UBAC2: variants seen among roughly 807,000 people sequenced by gnomAD.
The protein encoded by UBAC2 is ubiquitin-associated domain-containing protein 2.
In UBAC2, 26 loss-of-function variants were observed where a neutral mutation model predicts 44.0. The ratio of observed to expected loss-of-function variants is 0.59; its 90% confidence interval spans 0.43 to 0.82. The LOEUF (loss-of-function observed/expected upper bound fraction) is 0.82. UBAC2 is among the 40% of genes least tolerant of loss of function. The probability of loss-of-function intolerance (pLI) is 0.00; values close to 1 mark genes in which losing one functional copy is unlikely to be tolerated. For missense variants in UBAC2, 329 were observed against 419.4 expected (o/e 0.78, Z 1.88); for synonymous variants, 155 against 154.3 (o/e 1.00, Z -0.04).
At chr13:99,223,478 A>G (rs1171898032) in intron 1 of UBAC2, among the ~76,000 whole-genome samples, 5 of 96,876 alleles carry the variant, frequency 5.2e-5, no homozygotes, top group African/African-American at 2.1e-4. Flanking sequence ...ATTGATTTCT[A>G]CTCTTAATTA....
rs550310299 is a variant in UBAC2, at chr13:99,238,433, C to T, written c.38C>T (p.Ala13Val). ...TSTGSSGLYK[A>V]PLSKSLLLVP... The stretch of plus-strand genomic sequence containing the variant: ...CTTTCCTTTTTCCCTCCAGACAAGG[C>T]GCCTCTGTCGAAGAGCCTTCTGCTG... Residue 13 changes from alanine to valine, a missense_variant, in exon 2 of 9, where the codon GCG (alanine) becomes GTG (valine). Transcript: ENST00000403766. 4.7e-5 allele frequency: 76 copies of T among 1,612,988 alleles called. No homozygotes were observed. The highest frequency in any genetic ancestry group is 5.9e-5 in the Non-Finnish European group (69 of 1,179,362).
intron 4 of UBAC2, among the ~76,000 whole-genome samples, chr13:99,275,772 G>A (rs1273606374): frequency 6.6e-6 from 1 of 151,964 alleles, no homozygotes; most frequent in Non-Finnish European, 1.5e-5. Flanking sequence ...TTATCTGTTT[G>A]GATTTAAGAT....
chr13:99,302,545 G>T (rs1275119552), intron 4 of UBAC2, among the ~76,000 whole-genome samples: 2 of 152,316 alleles, frequency 1.3e-5, no homozygotes, highest in South Asian at 4.2e-4. Flanking sequence ...TCAAACAGGG[G>T]CATCTAAATT....
chr13:99,318,832 A>AG (rs1453203576), intron 6 of UBAC2, among the ~76,000 whole-genome samples: 3 of 151,380 alleles, frequency 2.0e-5, no homozygotes, highest in African/African-American at 7.3e-5. Flanking sequence ...AAAAAAAAAA[A>AG]AAAAAAAAAG....
chr13:99,370,240 G>C (rs980891876), intron 8 of UBAC2, among the ~76,000 whole-genome samples: 2 of 152,174 alleles, frequency 1.3e-5, no homozygotes, highest in African/African-American at 4.8e-5. Flanking sequence ...AAATGGCTTA[G>C]GAATAATACC....
intron 2 of UBAC2, among the ~76,000 whole-genome samples, chr13:99,240,240 C>G (rs1236911488): frequency 6.6e-6 from 1 of 152,148 alleles, no homozygotes. Context: ...TAGCCAGTTA[C>G]CAGTCTTTAG....
intron 7 of UBAC2, among the ~76,000 whole-genome samples, chr13:99,345,903 C>T (rs1280762201): frequency 9.9e-5 from 15 of 151,964 alleles, no homozygotes; most frequent in South Asian, 2.1e-4. Flanking sequence ...CCACCACATC[C>T]GGCTAATTTT....
At chr13:99,341,659 GAAGTAGT>G (rs1057490547) in intron 7 of UBAC2, among the ~76,000 whole-genome samples, 1 of 152,184 alleles carries the variant, frequency 6.6e-6, no homozygotes, top group African/African-American at 2.4e-5. Context: ...CGAAAGCAAA[GAAGTAGT>G]AAGTTCTGTA....
chr13:99,277,343 T>C (rs751200595), intron 4 of UBAC2, among the ~76,000 whole-genome samples: 14 of 151,912 alleles, frequency 9.2e-5, no homozygotes, highest in Non-Finnish European at 1.8e-4. Context: ...CTAACCAACA[T>C]GGAGAAACCC....
chr13:99,206,507 G>A (rs550499093), intron 1 of UBAC2, among the ~76,000 whole-genome samples: 8 of 152,314 alleles, frequency 5.3e-5, no homozygotes, highest in African/African-American at 1.9e-4. Context: ...ACCAGCCTCT[G>A]ATCCCTCCTT....
intron 4 of UBAC2, among the ~76,000 whole-genome samples, chr13:99,284,916 T>C (rs993667018): frequency 3.9e-5 from 6 of 152,184 alleles, no homozygotes; most frequent in Non-Finnish European, 7.3e-5. Context: ...TTTATAACTT[T>C]TTCATGAAAA....
At chr13:99,251,799 T>G (rs2043461421) in intron 4 of UBAC2, among the ~76,000 whole-genome samples, 1 of 152,144 alleles carries the variant, frequency 6.6e-6, no homozygotes, top group African/African-American at 2.4e-5. Context: ...CAAGCTCCAT[T>G]TCCTGAGCTC....
intron 2 of UBAC2, among the ~76,000 whole-genome samples, chr13:99,243,057 A>G (rs1211542362): frequency 2.0e-5 from 3 of 152,132 alleles, no homozygotes; most frequent in Admixed American, 6.5e-5. Flanking sequence ...TAACTTTTAT[A>G]TCTGTTTTAC....
At chr13:99,214,859 A>G (rs182764813) in intron 1 of UBAC2, among the ~76,000 whole-genome samples, 192 of 152,116 alleles carry the variant, frequency 1.3e-3, no homozygotes, top group African/African-American at 4.4e-3. Flanking sequence ...TTGAGGCCCC[A>G]CTGCTGTCAT....
chr13:99,248,587 T>C (rs1330241460), intron 4 of UBAC2, among the ~76,000 whole-genome samples: 1 of 152,220 alleles, frequency 6.6e-6, no homozygotes, highest in African/African-American at 2.4e-5. Flanking sequence ...TTCACCGTAT[T>C]GGTCAGGCTG....
chr13:99,235,131 G>A (rs1211155851), intron 1 of UBAC2, among the ~76,000 whole-genome samples: 3 of 152,172 alleles, frequency 2.0e-5, no homozygotes, highest in Non-Finnish European at 4.4e-5. Context: ...ACTCATGGTG[G>A]AAAATCTCAG....
At chr13:99,207,979 G>C (rs2042892359) in intron 1 of UBAC2, among the ~76,000 whole-genome samples, 2 of 146,822 alleles carry the variant, frequency 1.4e-5, no homozygotes, top group South Asian at 4.3e-4. Context: ...CTTTATTTTT[G>C]CCTCTCATCG....
intron 1 of UBAC2, among the ~76,000 whole-genome samples, chr13:99,203,671 A>C (rs1175558093): frequency 6.6e-6 from 1 of 152,254 alleles, no homozygotes; most frequent in African/African-American, 2.4e-5. Context: ...CTAACAAGTC[A>C]GTATGATTCA....
chr13:99,351,343 C>CA, intron 7 of UBAC2: 1 of 347,468 alleles, frequency 2.9e-6, no homozygotes, highest in Non-Finnish European at 5.6e-6. Context: ...GCCTGTGGGC[C>CA]AAACTACCTG....
Sources: gnomAD v4.1 joint callset for allele counts (sites outside exome capture counted in the v4.1 genomes callset) on GRCh38, gnomAD v4.1.1 for gene constraint, MANE v1.5 for transcripts, NCBI Gene and HGNC (gene_info 2026-07-23, HGNC 2026-07-21) for gene names.